Variants in AGPS observed in about 807,000 individuals in gnomAD.
AGPS encodes the protein alkylglycerone phosphate synthase.
AGPS carries 26 observed loss-of-function variants against 90.7 expected under a neutral mutation model. The observed-to-expected ratio is 0.29, with a 90% confidence interval of 0.21 to 0.40. The LOEUF (loss-of-function observed/expected upper bound fraction) is 0.40. Ranked by LOEUF, AGPS falls within the 10% of genes least tolerant of loss-of-function variation. AGPS has a pLI of 1.00. For missense variants in AGPS, 540 were observed against 816.1 expected (o/e 0.66, Z 4.12); for synonymous variants, 294 against 285.3 (o/e 1.03, Z -0.31).
chr2:177,494,167 G>A, intron 12 of AGPS, among the ~76,000 whole-genome samples: 1 of 152,110 alleles, frequency 6.6e-6, no homozygotes, highest in East Asian at 1.9e-4. Context: ...AATACTAAAG[G>A]CAAAGATAGG....
At chr2:177,527,543 G>A (rs1436132297) in intron 19 of AGPS, among the ~76,000 whole-genome samples, 3 of 151,918 alleles carry the variant, frequency 2.0e-5, no homozygotes, top group Non-Finnish European at 4.4e-5. Context: ...TATTTTTATT[G>A]TTTTCTCAGT....
intron 12 of AGPS, among the ~76,000 whole-genome samples, chr2:177,495,992 A>T (rs1463589888): frequency 6.6e-6 from 1 of 151,814 alleles, no homozygotes; most frequent in Admixed American, 6.6e-5. Flanking sequence ...GTTAGGCAAC[A>T]TATTTAAGAA....
intron 19 of AGPS, among the ~76,000 whole-genome samples, chr2:177,531,196 G>T (rs977198222): frequency 6.6e-6 from 1 of 152,080 alleles, no homozygotes; most frequent in African/African-American, 2.4e-5. Context: ...TGAAACAAAA[G>T]GCATATAGAT....
chr2:177,416,282 A>G (rs1218859578), intron 1 of AGPS, among the ~76,000 whole-genome samples: 1 of 152,210 alleles, frequency 6.6e-6, no homozygotes, highest in African/African-American at 2.4e-5. Context: ...TAAAGATTGT[A>G]TAATAACAGC....
chr2:177,494,936 G>A (rs1688370245), intron 12 of AGPS, among the ~76,000 whole-genome samples: 2 of 152,140 alleles, frequency 1.3e-5, no homozygotes, highest in African/African-American at 4.8e-5. Context: ...AACAAAAGGT[G>A]CCCCAGACCC....
intron 1 of AGPS, among the ~76,000 whole-genome samples, chr2:177,419,530 A>G (rs1416231192): frequency 1.3e-5 from 2 of 151,904 alleles, no homozygotes; most frequent in African/African-American, 4.8e-5. Flanking sequence ...CTATTCTTAC[A>G]TGATGTGCAA....
intron 1 of AGPS, among the ~76,000 whole-genome samples, chr2:177,395,947 G>T (rs1220355611): frequency 6.6e-6 from 1 of 152,204 alleles, no homozygotes; most frequent in East Asian, 1.9e-4. Context: ...TGGAGGTAAA[G>T]AGATGAATAA....
At chr2:177,503,005 A>C (rs964582721) in intron 14 of AGPS, among the ~76,000 whole-genome samples, 6 of 150,744 alleles carry the variant, frequency 4.0e-5, no homozygotes, top group African/African-American at 1.5e-4. Flanking sequence ...GGCATTATTC[A>C]TCTATCCCTT....
chr2:177,498,035 T>C (rs185564423), intron 13 of AGPS, among the ~76,000 whole-genome samples: 100 of 151,994 alleles, frequency 6.6e-4, no homozygotes, highest in African/African-American at 2.2e-3. Flanking sequence ...AATTTTTTCC[T>C]TTATGGAAGG....
chr2:177,507,743 T>G (rs1444859287), intron 15 of AGPS, among the ~76,000 whole-genome samples: 2 of 152,246 alleles, frequency 1.3e-5, no homozygotes, highest in Admixed American at 1.3e-4. Context: ...GCACTCTGCC[T>G]GGTGCCAAGG....
chr2:177,471,165 C>A (rs995775251), intron 10 of AGPS, among the ~76,000 whole-genome samples: 10 of 152,222 alleles, frequency 6.6e-5, no homozygotes, highest in Admixed American at 1.3e-4. Context: ...TATATGAAAT[C>A]ATATTCTTAC....
intron 10 of AGPS, among the ~76,000 whole-genome samples, chr2:177,473,006 CT>C (rs1574397476): frequency 6.6e-6 from 1 of 152,112 alleles, no homozygotes; most frequent in East Asian, 1.9e-4. Context: ...GTAATTTTGG[CT>C]GTACTTCCTC....
At chr2:177,505,208 T>C (rs542162160) in intron 14 of AGPS, among the ~76,000 whole-genome samples, 3 of 152,122 alleles carry the variant, frequency 2.0e-5, no homozygotes, top group Admixed American at 2.0e-4. Flanking sequence ...AACATATGAA[T>C]ATATGAGTAA....
intron 1 of AGPS, among the ~76,000 whole-genome samples, chr2:177,404,105 A>G (rs1005908427): frequency 8.5e-5 from 13 of 152,336 alleles, no homozygotes; most frequent in African/African-American, 2.6e-4. Context: ...GAATCTTTGG[A>G]GAACGACTAC....
rs143005718 is a variant in AGPS, at chr2:177,461,032, T to C, written c.871-861T>C. ...ACAGACGTGGCTGACATATTCTACA[T>C]AGCTGTGTGGCTTACTTGAAAAATA... On this transcript the variant is annotated intron_variant, in intron 8 of 19. Coordinates refer to ENST00000264167, the MANE Select transcript of AGPS (RefSeq NM_003659.4). Among the ~76,000 whole-genome samples, 378 of 152,354 alleles carry C rather than the reference T, an allele frequency of 2.5e-3. 2 individuals carry two copies. The highest frequency in any genetic ancestry group is 8.6e-3 in the African/African-American group (359 of 41,576).
intron 2 of AGPS, among the ~76,000 whole-genome samples, chr2:177,429,065 A>C (rs1028726165): frequency 5.3e-5 from 8 of 151,950 alleles, no homozygotes; most frequent in Non-Finnish European, 1.0e-4. Context: ...TATAGTCTTC[A>C]AGCTTTGAGA....
chr2:177,436,158 T>TTTTTTTTTC, intron 3 of AGPS, among the ~76,000 whole-genome samples: 1 of 143,798 alleles, frequency 7.0e-6, no homozygotes, highest in Non-Finnish European at 1.5e-5. Context: ...TTTTTTTTTT[T>TTTTTTTTTC]GCGACAGAGT....
intron 9 of AGPS, among the ~76,000 whole-genome samples, chr2:177,465,602 C>T (rs547842598): frequency 3.1e-4 from 47 of 152,318 alleles, no homozygotes; most frequent in South Asian, 6.2e-4. Context: ...CAGTCAGGCA[C>T]GCCAGCTGTG....
chr2:177,449,578 C>T (rs1686874239), intron 8 of AGPS, among the ~76,000 whole-genome samples: 1 of 152,134 alleles, frequency 6.6e-6, no homozygotes, highest in African/African-American at 2.4e-5. Flanking sequence ...CAAGTGCCAC[C>T]ATGCCTGGAT....
Sources: gnomAD v4.1 joint callset for allele counts (sites outside exome capture counted in the v4.1 genomes callset) on GRCh38, gnomAD v4.1.1 for gene constraint, MANE v1.5 for transcripts, NCBI Gene and HGNC (gene_info 2026-07-23, HGNC 2026-07-21) for gene names.